The following BIRC6 variants were observed in gnomAD, a reference collection of about 807,000 sequenced individuals.
BIRC6 encodes baculoviral IAP repeat containing 6.
In BIRC6, 98 loss-of-function variants were observed where a neutral mutation model predicts 503.3. The ratio of observed to expected loss-of-function variants is 0.19; its 90% confidence interval spans 0.17 to 0.23. BIRC6 has a LOEUF of 0.23. Among genes scored for constraint, BIRC6 ranks in the 10% least tolerant of loss-of-function variants. The pLI, the probability that BIRC6 is intolerant of heterozygous loss-of-function variation, is 1.00. For missense variants in BIRC6, 5,360 were observed against 5,806.0 expected, an observed-to-expected ratio of 0.92 and a Z score of 2.50; for synonymous variants, 2,240 against 2,078.7, an observed-to-expected ratio of 1.08 and a Z score of -2.11.
chr2:32,528,674 A>G (rs1313762907), intron 59 of BIRC6: 1 of 152,214 alleles, frequency 6.6e-6, no homozygotes, highest in Non-Finnish European at 1.5e-5. Context: ...TAAGAAAACA[A>G]TTGCCTATTG....
intron 73 of BIRC6, among the ~76,000 whole-genome samples, chr2:32,614,344 TATGTATTTAGA>T (rs954265900): frequency 8.5e-5 from 13 of 152,196 alleles, no homozygotes; most frequent in Non-Finnish European, 1.9e-4. Context: ...CTTCCCCAAA[TATGTATTTAGA>T]TATGTTTTTC....
At chr2:32,537,802 T>C (rs1370075576) in intron 61 of BIRC6, among the ~76,000 whole-genome samples, 3 of 151,896 alleles carry the variant, frequency 2.0e-5, no homozygotes, top group African/African-American at 7.3e-5. Flanking sequence ...CCGTCTCTAC[T>C]AAAAATACAA....
At chr2:32,402,740 A>G (rs62136279) in intron 8 of BIRC6, among the ~76,000 whole-genome samples, 10,652 of 152,236 alleles carry the variant, frequency 0.07, 494 homozygotes, top group Admixed American at 0.15. Flanking sequence ...AAGCATGCTT[A>G]ATTTCTGTGA....
chr2:32,508,299 T>G, intron 51 of BIRC6, 40 bp downstream of exon 51: 5 of 1,298,150 alleles, frequency 3.9e-6, no homozygotes, highest in Non-Finnish European at 5.1e-6. Context: ...TTTTTTTTTT[T>G]TTTTGGCATG....
chr2:32,477,404 G>A lies in BIRC6; in HGVS notation c.6889G>A (p.Glu2297Lys), dbSNP rs2049889255. ...TTTAATTCGTTTACGTCGGACAGCA[G>A]AATGGTCCCGTTCTAATTTAGACAC... ...KDLIRLRRTA[E>K]WSRSNLDTEV... The change falls in exon 35 of 74, where the codon GAA becomes AAA. Residue 2297 changes from glutamate to lysine, a missense_variant. By Grantham distance (56) the Glu-to-Lys change is moderately conservative. Around this residue, in one of 16 missense-constraint regions of BIRC6, gnomAD observed 2,299 missense variants for 2,267.2 expected, o/e 1.01. Transcript: ENST00000421745. 6.2e-7 allele frequency: 1 copy of A among 1,613,794 alleles called. No individual in the cohort carries two copies.
Position 32,433,818 on chromosome 2 carries a change from A to C in BIRC6, c.3409+14A>C, listed in dbSNP as rs1394007379. 1.3e-6 allele frequency: 2 copies of C among 1,491,398 alleles called. No homozygotes were observed. Among genetic ancestry groups the C allele is most frequent in the Non-Finnish European group, 1.8e-6 (2 of 1,101,674 alleles). 92.4% of individuals were successfully genotyped at this position (1,491,398 alleles called of 1,614,324 possible). On this transcript the variant is annotated intron_variant, in intron 13 of 73. Transcript: ENST00000421745. Reference sequence around the variant, plus strand: ...GGAAAGTCAATGGTAAGAATGTATCAAAATTTATCTTTGAAGATTTTATTT... The same window carrying C: ...GGAAAGTCAATGGTAAGAATGTATCCAAATTTATCTTTGAAGATTTTATTT...
intron 23 of BIRC6, among the ~76,000 whole-genome samples, chr2:32,462,803 A>C (rs979253077): frequency 2.0e-5 from 3 of 151,962 alleles, no homozygotes; most frequent in Non-Finnish European, 4.4e-5. Context: ...TAAACATACA[A>C]AAATTAGCCA....
intron 23 of BIRC6, among the ~76,000 whole-genome samples, chr2:32,455,144 C>G (rs2047100998): frequency 6.6e-6 from 1 of 151,798 alleles, no homozygotes. Context: ...TTTGGGAGGC[C>G]AAGGTGGGCG....
Position 32,488,466 on chromosome 2 carries a change from A to C in BIRC6, c.7969-122A>C, listed in dbSNP as rs966463189. On this transcript the variant is annotated intron_variant, in intron 41 of 73. Transcript: ENST00000421745. ...CTAGAAGATGCTTTTAAGTGTGAAG[A>C]AGTGTTTAATAGAAAAGGTTATTTA... 5 of 725,732 alleles carry C rather than the reference A, an allele frequency of 6.9e-6. No individual in the cohort carries two copies. In the African/African-American group the frequency reaches 9.4e-5, roughly 14 times the overall value. 45.0% of individuals were successfully genotyped at this position (725,732 alleles called of 1,614,324 possible).
intron 1 of BIRC6, among the ~76,000 whole-genome samples, chr2:32,368,662 C>G (rs893079463): frequency 1.3e-5 from 2 of 152,046 alleles, no homozygotes; most frequent in Non-Finnish European, 2.9e-5. Context: ...CCGCCCCTGT[C>G]CCCTTTTGAA....
intron 71 of BIRC6, among the ~76,000 whole-genome samples, chr2:32,604,858 TTTTTTTCTTTTTTC>T (rs149971876): frequency 6.6e-6 from 1 of 151,468 alleles, no homozygotes; most frequent in Non-Finnish European, 1.5e-5. Flanking sequence ...GCAATAGTTA[TTTTTTTCTTTTTTC>T]TTTTTTCTTT....
chr2:32,452,301 A>C (rs186121780), intron 22 of BIRC6, among the ~76,000 whole-genome samples: 1 of 152,018 alleles, frequency 6.6e-6, no homozygotes, highest in African/African-American at 2.4e-5. Flanking sequence ...TTTTTCATTA[A>C]ATTATTTTTT....
chr2:32,503,527 G>C (rs547714724), intron 49 of BIRC6, among the ~76,000 whole-genome samples: 1 of 152,210 alleles, frequency 6.6e-6, no homozygotes, highest in East Asian at 1.9e-4. Context: ...GGGTTCAAGC[G>C]ATTCCTGCCT....
chr2:32,524,819 G>A, intron 57 of BIRC6, 69 bp from the exon 58 acceptor site: 1 of 1,092,690 alleles, frequency 9.2e-7, no homozygotes, highest in Non-Finnish European at 1.2e-6. Flanking sequence ...ATCTCCCTCT[G>A]AAACATATAT....
intron 19 of BIRC6, 69 bp from the exon 20 acceptor site, chr2:32,443,422 A>G: frequency 9.4e-7 from 1 of 1,064,560 alleles, no homozygotes; most frequent in South Asian, 1.5e-5. Context: ...TAGGTACCAC[A>G]CCAGGTTTAG....
chr2:32,476,990 G>T (rs1026983277), intron 34 of BIRC6, among the ~76,000 whole-genome samples: 1 of 152,060 alleles, frequency 6.6e-6, no homozygotes, highest in Non-Finnish European at 1.5e-5. Flanking sequence ...GAAGTAACTC[G>T]AATTAATATT....
At chr2:32,509,156 T>C (rs1217782794) in intron 51 of BIRC6, among the ~76,000 whole-genome samples, 1 of 152,150 alleles carries the variant, frequency 6.6e-6, no homozygotes, top group African/African-American at 2.4e-5. Flanking sequence ...TTTATCAGTA[T>C]ATATAATTGC....
At chr2:32,495,498 G>T (rs1270552859) in intron 45 of BIRC6, among the ~76,000 whole-genome samples, 1 of 152,160 alleles carries the variant, frequency 6.6e-6, no homozygotes, top group Non-Finnish European at 1.5e-5. Flanking sequence ...GAAATACTCG[G>T]TATAAAGAAG....
intron 61 of BIRC6, among the ~76,000 whole-genome samples, chr2:32,535,834 C>G (rs1195562914): frequency 6.6e-6 from 1 of 152,170 alleles, no homozygotes; most frequent in Non-Finnish European, 1.5e-5. Flanking sequence ...AATGGGATGG[C>G]TGGGTCGAAT....
Sources: gnomAD v4.1 joint callset for allele counts (sites outside exome capture counted in the v4.1 genomes callset) on GRCh38, gnomAD v4.1.1 for gene constraint, gnomAD v4.1.1 regional missense constraint, MANE v1.5 for transcripts, NCBI Gene and HGNC (gene_info 2026-07-23, HGNC 2026-07-21) for gene names.